RPS6KA2: variants seen among roughly 807,000 people sequenced by gnomAD.
The protein encoded by RPS6KA2 is ribosomal protein S6 kinase alpha-2.
A neutral mutation model predicts 91.8 loss-of-function variants in RPS6KA2; 42 were observed. That is an observed-to-expected ratio of 0.46 (90% confidence interval 0.36 to 0.59). The LOEUF is 0.59. Among genes scored for constraint, RPS6KA2 ranks in the 20% least tolerant of loss-of-function variants. The pLI is 0.00. For missense variants in RPS6KA2, 798 were observed against 978.5 expected, an observed-to-expected ratio of 0.82 and a Z score of 2.46; for synonymous variants, 414 against 393.6, an observed-to-expected ratio of 1.05 and a Z score of -0.61.
Position 166,732,500 on chromosome 6 carries a change from G to A in RPS6KA2, c.123+125700C>T, listed in dbSNP as rs1297739596. On this transcript the variant is annotated intron_variant, in intron 2 of 21. Transcript: ENST00000503859. The surrounding 1 kb of genome is among the most constrained non-coding windows in gnomAD (Gnocchi z 4.0). Reference sequence around the variant, plus strand: ...CAAACATCCTGGGACAGTGAACCGGGAATCACTGAACCTTATCACATGGGC... The same window carrying A: ...CAAACATCCTGGGACAGTGAACCGGAAATCACTGAACCTTATCACATGGGC... Among the ~76,000 whole-genome samples the A allele has an allele frequency of 6.6e-6, 1 of 152,166 alleles. No homozygotes were observed. The highest frequency in any genetic ancestry group is 1.9e-4 in the East Asian group (1 of 5,192).
rs141610622 is a variant in RPS6KA2, at chr6:166,651,340, G to A, written c.124-112556C>T. ...TCAAAGATTTTTTTAACCAAATTAT[G>A]CAATTATCTCAATGCACAGGATTAT... On this transcript the variant is annotated intron_variant, in intron 2 of 21. Coordinates refer to the RPS6KA2 transcript ENST00000503859. Among the ~76,000 whole-genome samples the A allele has an allele frequency of 1.1e-3, 163 of 152,264 alleles. 1 individual carries two copies. Among genetic ancestry groups the A allele is most frequent in the African/African-American group, 3.7e-3 (155 of 41,544 alleles).
chr6:166,431,583 A>C (rs986883550), intron 15 of RPS6KA2, among the ~76,000 whole-genome samples: 1 of 152,158 alleles, frequency 6.6e-6, no homozygotes, highest in Non-Finnish European at 1.5e-5. Context: ...TTATCTCATA[A>C]ACTAAATAAA....
intron 2 of RPS6KA2, among the ~76,000 whole-genome samples, chr6:166,717,564 A>G (rs1408779286): frequency 8.5e-5 from 13 of 152,208 alleles, no homozygotes; most frequent in Admixed American, 8.5e-4. Context: ...TCAGCAGACC[A>G]CTGGCAGTGA....
At chr6:166,677,926 T>C (rs990149074) in intron 2 of RPS6KA2, among the ~76,000 whole-genome samples, 6 of 152,346 alleles carry the variant, frequency 3.9e-5, no homozygotes, top group African/African-American at 1.4e-4. Context: ...CTCATCTTTT[T>C]TAAAGCAGGG....
At chr6:166,594,902 A>G (rs1785487404) in intron 1 of RPS6KA2, among the ~76,000 whole-genome samples, 1 of 152,214 alleles carries the variant, frequency 6.6e-6, no homozygotes, top group South Asian at 2.1e-4. Flanking sequence ...AAAAAGATAA[A>G]AGAGGCAAAA....
upstream of RPS6KA2, among the ~76,000 whole-genome samples, chr6:166,628,418 T>C (rs1267805521): frequency 1.3e-5 from 2 of 152,256 alleles, no homozygotes; most frequent in Non-Finnish European, 2.9e-5. Context: ...CAAGTCTTGC[T>C]TGCTCTTTTG....
chr6:166,584,810 G>A (rs1168300559), intron 1 of RPS6KA2, among the ~76,000 whole-genome samples: 1 of 152,238 alleles, frequency 6.6e-6, no homozygotes, highest in Non-Finnish European at 1.5e-5. Context: ...ATTTCTCATG[G>A]AGAGACCATG....
chr6:166,580,561 T>G (rs563925552), intron 1 of RPS6KA2, among the ~76,000 whole-genome samples: 1 of 152,372 alleles, frequency 6.6e-6, no homozygotes, highest in South Asian at 2.1e-4. Context: ...TCAAAGCCCC[T>G]GGGCCACGGG....
In RPS6KA2 at chr6:166,639,325, A is replaced by G. The variant is rs1010834788; in HGVS notation, c.124-100541T>C. On this transcript the variant is annotated intron_variant, in intron 2 of 21. Coordinates refer to the RPS6KA2 transcript ENST00000503859. The surrounding 1 kb of genome is among the most constrained non-coding windows in gnomAD (Gnocchi z 4.2). Reference sequence around the variant, plus strand: ...CGTCTCTAGTTACTGAGATTTGTCAACTGTGCCTTCTACATGTTTTCCCCG... The same window carrying G: ...CGTCTCTAGTTACTGAGATTTGTCAGCTGTGCCTTCTACATGTTTTCCCCG... 1.3e-5 allele frequency among the ~76,000 whole-genome samples: 2 copies of G among 152,118 alleles called. No homozygotes were observed. Among genetic ancestry groups the G allele is most frequent in the Non-Finnish European group, 2.9e-5 (2 of 68,022 alleles).
chr6:166,818,771 C>T (rs987429328), intron 2 of RPS6KA2, among the ~76,000 whole-genome samples: 2 of 152,062 alleles, frequency 1.3e-5, no homozygotes, highest in Admixed American at 6.6e-5. Context: ...CCGAGTATGC[C>T]GTTTTTAAAA....
At chr6:166,780,798 AGT>A (rs1778748352) in intron 2 of RPS6KA2, among the ~76,000 whole-genome samples, 2 of 152,220 alleles carry the variant, frequency 1.3e-5, no homozygotes, top group Non-Finnish European at 2.9e-5. Context: ...AGGGCAAAAA[AGT>A]GTGTCTGCAA....
intron 8 of RPS6KA2, among the ~76,000 whole-genome samples, chr6:166,497,953 C>A (rs1429563368): frequency 6.6e-6 from 1 of 152,118 alleles, no homozygotes; most frequent in Non-Finnish European, 1.5e-5. Context: ...AGCCCCCTGC[C>A]CAGCTGGGAG....
At chr6:166,773,915 A>G (rs1049895535) in intron 2 of RPS6KA2, among the ~76,000 whole-genome samples, 7 of 152,278 alleles carry the variant, frequency 4.6e-5, no homozygotes, top group African/African-American at 1.7e-4. Context: ...ATAGCCAAGC[A>G]TGCTTGCAGA....
intron 2 of RPS6KA2, among the ~76,000 whole-genome samples, chr6:166,708,647 C>T (rs527743617): frequency 3.9e-5 from 6 of 152,322 alleles, no homozygotes; most frequent in Admixed American, 2.0e-4. Context: ...CTTACACACC[C>T]GCTGAGAGTT....
intron 16 of RPS6KA2, 31 bp downstream of exon 16, chr6:166,430,422 C>A (rs376914409): frequency 3.1e-6 from 5 of 1,589,528 alleles, no homozygotes; most frequent in Non-Finnish European, 3.4e-6. Flanking sequence ...GCTCCCTCCT[C>A]CCCGAAGGCT....
chr6:166,547,567 T>C (rs1318801956), intron 1 of RPS6KA2, among the ~76,000 whole-genome samples: 1 of 152,198 alleles, frequency 6.6e-6, no homozygotes, highest in Non-Finnish European at 1.5e-5. Context: ...ATTGATAACA[T>C]CTTAGCAAAT....
At chr6:166,759,097 C>CTG (rs3066793) in intron 2 of RPS6KA2, among the ~76,000 whole-genome samples, 79,309 of 151,644 alleles carry the variant, frequency 0.52, 22,611 homozygotes, top group South Asian at 0.68. Context: ...ATGTGTGTGC[C>CTG]TGTGTGTGCA....
chr6:166,448,729 C>T lies in RPS6KA2; in HGVS notation c.1327G>A (p.Val443Met), dbSNP rs547406661. The change falls in exon 14 of 21, where the codon GTG becomes ATG. Residue 443 changes from valine (V) to methionine (M), a missense_variant. Coordinates refer to ENST00000265678, the MANE Select transcript of RPS6KA2 (RefSeq NM_021135.6). This position sits in a 1 kb window ranked among gnomAD's most constrained non-coding sequence, Gnocchi z 4.7. The part of the protein sequence containing the change: ...VHKATDTEYA[V>M]KIIDKSKRDP... ...ACTCAGCAGGCCTGCCTTACCTTCACGGCATACTCGGTGTCTGTGGCTTTA... is the reference window on the plus strand; with the variant it reads ...ACTCAGCAGGCCTGCCTTACCTTCATGGCATACTCGGTGTCTGTGGCTTTA... 8.8e-5 allele frequency: 141 copies of T among 1,611,070 alleles called. No homozygotes were observed. The highest frequency in any genetic ancestry group is 1.7e-4 in the Middle Eastern group (1 of 6,046).
At chr6:166,853,316 T>C (rs1780796619) in intron 2 of RPS6KA2, among the ~76,000 whole-genome samples, 1 of 152,222 alleles carries the variant, frequency 6.6e-6, no homozygotes, top group Admixed American at 6.5e-5. Flanking sequence ...AATTCTAATA[T>C]TTTTCAAAGG....
Sources: gnomAD v4.1 joint callset for allele counts (sites outside exome capture counted in the v4.1 genomes callset) on GRCh38, gnomAD v4.1.1 for gene constraint, Gnocchi (gnomAD v3.1) non-coding constraint, MANE v1.5 for transcripts, NCBI Gene and HGNC (gene_info 2026-07-23, HGNC 2026-07-21) for gene names.